Variants in IRF1 observed in about 807,000 individuals in gnomAD.
The protein encoded by IRF1 is interferon regulatory factor 1.
IRF1 carries 13 observed loss-of-function variants against 43.7 expected under a neutral mutation model. The observed-to-expected ratio is 0.30, with a 90% CI of 0.19 to 0.47. The LOEUF (loss-of-function observed/expected upper bound fraction) is 0.47, where lower values mean the gene tolerates loss of function less well. Among genes scored for constraint, IRF1 ranks in the 20% least tolerant of loss-of-function variants. The probability of loss-of-function intolerance (pLI) is 0.99; values close to 1 mark genes in which losing one functional copy is unlikely to be tolerated. For missense variants in IRF1, 236 were observed against 408.9 expected, an observed-to-expected ratio of 0.58 and a Z score of 3.65; for synonymous variants, 138 against 146.8, an observed-to-expected ratio of 0.94 and a Z score of 0.43.
In IRF1 at chr5:132,482,300, G is replaced by A. The variant is rs1422470646; in HGVS notation, c.*1651C>T. On this transcript the variant is annotated 3_prime_UTR_variant, in exon 10 of 10. Transcript: ENST00000245414. The stretch of plus-strand genomic sequence containing the variant: ...GTGGTGCAATCTCGGCTCACTGCAA[G>A]CTCTGCCTCCGGGGTTCATGCCATT... The A allele has an allele frequency of 7.1e-6, 1 of 140,950 alleles. No individual in the cohort carries two copies. The highest frequency in any genetic ancestry group is 7.1e-5 in the Admixed American group (1 of 14,100). The allele number at this position is 140,950 out of a possible 1,614,324, so 8.7% of individuals were successfully genotyped here.
rs1479195050 is a variant in IRF1, at chr5:132,481,819, TTCTG to T, written c.*2128_*2131del. The T allele has an allele frequency of 2.0e-5, 3 of 152,354 alleles. No individual in the cohort carries two copies. Among genetic ancestry groups the T allele is most frequent in the Non-Finnish European group, 2.9e-5 (2 of 68,056 alleles). The allele number at this position is 152,354 out of a possible 1,614,324, so 9.4% of individuals were successfully genotyped here. A position where few individuals can be genotyped will look rare whatever the true frequency, so the allele number is the denominator to read the frequency against. On this transcript the variant is annotated 3_prime_UTR_variant, in exon 10 of 10. Transcript: ENST00000245414. ...AGGACCTTTCTTGGGCTGCTGACTG[TTCTG>T]TCTGTGACTGTGTCATATCAACTGA... is the stretch of plus-strand genomic sequence containing the variant.
chr5:132,485,603 C>T (rs572717408), intron 8 of IRF1, 64 bp downstream of exon 8: 3 of 1,280,432 alleles, frequency 2.3e-6, no homozygotes, highest in Non-Finnish European at 3.4e-6. Context: ...GGAAGCTTCA[C>T]TGGTTCTCTC....
In IRF1 at chr5:132,485,946, C is replaced by G; in HGVS notation, c.668-230G>C. 5.2e-6 allele frequency: 3 copies of G among 577,390 alleles called. No homozygotes were observed. In the South Asian group the frequency reaches 6.0e-5, roughly 11 times the overall value. The allele number at this position is 577,390 out of a possible 1,614,324, so 35.8% of individuals were successfully genotyped here. ...CCCTGAAGCCACGCCGCTTCCCACCCCTACCCTACTTCCTTCCTCACCCTC... is the reference window on the plus strand; with the variant it reads ...CCCTGAAGCCACGCCGCTTCCCACCGCTACCCTACTTCCTTCCTCACCCTC... On this transcript the variant is annotated intron_variant, in intron 7 of 9. Transcript: ENST00000245414.
intron 1 of IRF1, 43 bp from the exon 2 acceptor site, chr5:132,489,526 C>T (rs1474425107): frequency 4.5e-6 from 7 of 1,545,612 alleles, no homozygotes; most frequent in African/African-American, 1.4e-5. Flanking sequence ...ATCTGTTGAA[C>T]AGTACCTGGG....
Position 132,483,415 on chromosome 5 carries a change from T to C in IRF1, c.*536A>G, listed in dbSNP as rs1754437917. 1 of 153,504 alleles carries C rather than the reference T, an allele frequency of 6.5e-6. No individual in the cohort carries two copies. The highest frequency in any genetic ancestry group is 1.5e-5 in the Non-Finnish European group (1 of 68,432). 9.5% of individuals were successfully genotyped at this position (153,504 alleles called of 1,614,324 possible). A position where few individuals can be genotyped will look rare whatever the true frequency, so the allele number is the denominator to read the frequency against. On this transcript the variant is annotated 3_prime_UTR_variant, in exon 10 of 10. Coordinates refer to ENST00000245414, the MANE Select transcript of IRF1 (RefSeq NM_002198.3). ...AAAGCAGGGAGCAGGGTAGAGCTCC[T>C]CTGAGGCTGAGGGAGCATCGCCCCG... is the stretch of plus-strand genomic sequence containing the variant.
In IRF1 at chr5:132,485,850, C is replaced by CACACACACACA. The variant is rs1294854202; in HGVS notation, c.668-135_668-134insTGTGTGTGTGT. 3.2e-5 allele frequency: 19 copies of CACACACACACA among 602,208 alleles called. 2 individuals are homozygous for CACACACACACA. The highest frequency in any genetic ancestry group is 2.7e-4 in the African/African-American group (7 of 26,406). 37.3% of individuals were successfully genotyped at this position (602,208 alleles called of 1,614,324 possible). The stretch of plus-strand genomic sequence containing the variant: ...TCTGACACACACACACACACACACA[C>CACACACACACA]CCTCCCGGTGGACCTATCTGCCATA... On this transcript the variant is annotated intron_variant, in intron 7 of 9. Transcript: ENST00000245414.
At position 132,489,869 on chromosome 5, in the gene IRF1, T is replaced by C. The variant is rs191938055; in HGVS notation, c.-5-386A>G. 1.3e-3 allele frequency: 272 copies of C among 208,998 alleles called. 2 individuals are homozygous for C. The highest frequency in any genetic ancestry group is 5.8e-3 in the African/African-American group (263 of 45,150). 12.9% of individuals were successfully genotyped at this position (208,998 alleles called of 1,614,324 possible). A position where few individuals can be genotyped will look rare whatever the true frequency, so the allele number is the denominator to read the frequency against. The stretch of plus-strand genomic sequence containing the variant: ...TGCTTGATGCCAAGAAGAAATTCCC[T>C]TGACTTGAGTTGTAACCACTAGCTA... On this transcript the variant is annotated intron_variant, in intron 1 of 9. Coordinates refer to ENST00000245414, the MANE Select transcript of IRF1 (RefSeq NM_002198.3).
rs910322566 is a variant in IRF1 at position 132,489,490 on chromosome 5, A to G, written c.-5-7T>C. ...CGAGTGATGGGCATGTTGGCTGTAA[A>G]GAGAACACAGAGGCTCCAGTCTGGA... On this transcript the variant is annotated splice_region_variant and splice_polypyrimidine_tract_variant and intron_variant, in intron 1 of 9. Coordinates refer to ENST00000245414, the MANE Select transcript of IRF1 (RefSeq NM_002198.3). 15 of 1,609,270 alleles carry G rather than the reference A, an allele frequency of 9.3e-6. No individual in the cohort carries two copies. The highest frequency in any genetic ancestry group is 1.3e-5 in the African/African-American group (1 of 74,840).
chr5:132,488,259 A>C (rs1754596987), intron 2 of IRF1: 1 of 512,408 alleles, frequency 2.0e-6, no homozygotes, highest in Non-Finnish European at 3.5e-6. Flanking sequence ...ATTAGCTCAC[A>C]AAGACCTCCC....
In IRF1 at chr5:132,486,840, T is replaced by C; in HGVS notation, c.369A>G (p.Arg123=). 1 of 1,614,200 alleles carries C rather than the reference T, an allele frequency of 6.2e-7. No homozygotes were observed. The highest frequency in any genetic ancestry group is 8.5e-7 in the Non-Finnish European group (1 of 1,180,032). Residue 123 remains arginine, a synonymous_variant, in exon 5 of 10, where the codon AGA becomes AGG. Coordinates refer to ENST00000245414, the MANE Select transcript of IRF1 (RefSeq NM_002198.3). ...PPLTKNQRKE[R]KSKSSRDAKS... ...TAGCATCTCGGCTGGACTTCGACTT[T>C]CTTTCTGTGGGGCAGACGGGCTGTC...
At position 132,483,193 on chromosome 5, in the gene IRF1, C is replaced by G. The variant is rs1369343736; in HGVS notation, c.*758G>C. On this transcript the variant is annotated 3_prime_UTR_variant, in exon 10 of 10. Coordinates refer to ENST00000245414, the MANE Select transcript of IRF1 (RefSeq NM_002198.3). ...TGACATTTCCAATTTTAAGTCATACCAAGGCGCTCACACTTCCCTCCCTGG... is the reference window on the plus strand; with the variant it reads ...TGACATTTCCAATTTTAAGTCATACGAAGGCGCTCACACTTCCCTCCCTGG... 3 of 152,694 alleles carry G rather than the reference C, an allele frequency of 2.0e-5. No homozygotes were observed. Among genetic ancestry groups the G allele is most frequent in the Admixed American group, 2.0e-4 (3 of 15,278 alleles). 9.5% of individuals were successfully genotyped at this position (152,694 alleles called of 1,614,324 possible).
chr5:132,486,788 C>T lies in IRF1; in HGVS notation c.414+7G>A. On this transcript the variant is annotated splice_region_variant and intron_variant, in intron 5 of 9. Transcript: ENST00000245414. ...CCAAAGGCCTGGCTGCTTAGGACCA[C>T]ACTCACCTTCCTCTTGGCCTTGCTC... 1 of 1,614,160 alleles carries T rather than the reference C, an allele frequency of 6.2e-7. No individual in the cohort carries two copies. Among genetic ancestry groups the T allele is most frequent in the Non-Finnish European group, 8.5e-7 (1 of 1,179,988 alleles).
Position 132,485,649 on chromosome 5 carries a change from G to A in IRF1, c.717+18C>T. On this transcript the variant is annotated intron_variant, in intron 8 of 9. Transcript: ENST00000245414. Reference sequence around the variant, plus strand: ...GAAACGGTCACTTCAAGAGTGCCCAGGTAGGAAGGGGCTTTACCTTCATGA... The same window carrying A: ...GAAACGGTCACTTCAAGAGTGCCCAAGTAGGAAGGGGCTTTACCTTCATGA... 1 of 1,600,898 alleles carries A rather than the reference G, an allele frequency of 6.2e-7. No homozygotes were observed. Among genetic ancestry groups the A allele is most frequent in the Non-Finnish European group, 8.6e-7 (1 of 1,168,014 alleles).
At position 132,486,282 on chromosome 5, in the gene IRF1, G is replaced by A; in HGVS notation, c.636C>T (p.Phe212=). The A allele has an allele frequency of 6.2e-7, 1 of 1,613,560 alleles. No individual in the cohort carries two copies. The highest frequency in any genetic ancestry group is 1.1e-5 in the South Asian group (1 of 91,074). The change falls in exon 7 of 10, where the codon TTC becomes TTT. Residue 212 remains phenylalanine (F), a synonymous_variant. Coordinates refer to ENST00000245414, the MANE Select transcript of IRF1 (RefSeq NM_002198.3). The stretch of plus-strand genomic sequence containing the variant: ...AGGTGGAGGGCATGGGTGACACCTG[G>A]AAGTTGTACAGATCACTGGTGCTGT... The part of the protein sequence containing the change: ...VPDSTSDLYN[F]QVSPMPSTSE...
intron 9 of IRF1, 131 bp downstream of exon 9, chr5:132,484,231 T>C: frequency 7.0e-7 from 1 of 1,418,454 alleles, no homozygotes; most frequent in Non-Finnish European, 9.7e-7. Context: ...ATGGCAGCCG[T>C]AGCTAATTCA....
chr5:132,484,176 A>T (rs1580936721), intron 9 of IRF1, 101 bp from the exon 10 acceptor site: 1 of 1,504,504 alleles, frequency 6.6e-7, no homozygotes, highest in East Asian at 2.3e-5. Flanking sequence ...TGCTCTTCCC[A>T]GCACAGCAGT....
chr5:132,481,740 C>G lies in IRF1; in HGVS notation c.*2211G>C, dbSNP rs1158871259. On this transcript the variant is annotated 3_prime_UTR_variant, in exon 10 of 10. Transcript: ENST00000245414. Reference sequence around the variant, plus strand: ...ACTGTATTGAACGGTACAGACAGAGCATTTCATCACTCTAGAAACTGGATG... The same window carrying G: ...ACTGTATTGAACGGTACAGACAGAGGATTTCATCACTCTAGAAACTGGATG... 1 of 152,284 alleles carries G rather than the reference C, an allele frequency of 6.6e-6. No homozygotes were observed. The highest frequency in any genetic ancestry group is 1.5e-5 in the Non-Finnish European group (1 of 68,054). 9.4% of individuals were successfully genotyped at this position (152,284 alleles called of 1,614,324 possible).
chr5:132,490,591 A>G lies in IRF1; in HGVS notation c.-52T>C, dbSNP rs1313713959. The G allele has an allele frequency of 6.6e-6, 1 of 152,180 alleles. No homozygotes were observed. Among genetic ancestry groups the G allele is most frequent in the Non-Finnish European group, 1.5e-5 (1 of 68,040 alleles). The allele number at this position is 152,180 out of a possible 1,614,324, so 9.4% of individuals were successfully genotyped here. On this transcript the variant is annotated 5_prime_UTR_variant, in exon 1 of 10. Transcript: ENST00000245414. This position sits in a 1 kb window ranked among gnomAD's most constrained non-coding sequence, Gnocchi z 5.8. ...GCGGTCGCGCGCGAGGGTCCCGGCGACGCAGGGGCTGCAGTGAGGGCGCGC... is the reference window on the plus strand; with the variant it reads ...GCGGTCGCGCGCGAGGGTCCCGGCGGCGCAGGGGCTGCAGTGAGGGCGCGC...
Position 132,486,995 on chromosome 5 carries a change from A to G in IRF1, c.323T>C (p.Val108Ala). The change falls in exon 4 of 10, where the codon GTG becomes GCG. Residue 108 changes from valine (V) to alanine (A), a missense_variant. This residue lies in a region of IRF1 where 66 missense variants were observed against 157.1 expected (regional missense o/e 0.42). Transcript: ENST00000245414. ...GGTGAGAGGTGGAAGCATCCGGTAC[A>G]CTCGCACAGCTGAGCTGCCCTTGTT... is the stretch of plus-strand genomic sequence containing the variant. ...SRNKGSSAVRVYRMLPPLTKN... is the reference protein window; with the variant it reads ...SRNKGSSAVRAYRMLPPLTKN... The G allele has an allele frequency of 1.2e-6, 2 of 1,613,570 alleles. No individual in the cohort carries two copies. The highest frequency in any genetic ancestry group is 1.7e-6 in the Non-Finnish European group (2 of 1,179,896).
Sources: allele counts gnomAD v4.1 joint callset, GRCh38; gene constraint gnomAD v4.1.1; regional missense constraint gnomAD v4.1.1; non-coding constraint Gnocchi (gnomAD v3.1); transcripts MANE v1.5; gene names NCBI Gene and HGNC (gene_info 2026-07-23, HGNC 2026-07-21).